The following TENM3 variants were observed in gnomAD, a reference collection of about 807,000 sequenced individuals.
TENM3 encodes teneurin transmembrane protein 3.
A neutral mutation model predicts 255.1 loss-of-function variants in TENM3; 63 were observed. The ratio of observed to expected loss-of-function variants is 0.25; its 90% confidence interval spans 0.20 to 0.30. The LOEUF is 0.30. Among genes scored for constraint, TENM3 ranks in the 10% least tolerant of loss-of-function variants. The probability of loss-of-function intolerance (pLI) is 1.00; values close to 1 mark genes in which losing one functional copy is unlikely to be tolerated. For synonymous variants in TENM3, 1,306 were observed against 1,322.3 expected (o/e 0.99, Z 0.27); for missense variants, 2,929 against 3,461.1 (o/e 0.85, Z 3.86).
the TENM3 span, among the ~76,000 whole-genome samples, chr4:181,739,832 A>G: frequency 6.6e-6 from 1 of 152,314 alleles, no homozygotes; most frequent in East Asian, 1.9e-4. Flanking sequence ...TAACATAGCC[A>G]TTGAAATTTA....
At chr4:181,666,255 A>C in the TENM3 span, among the ~76,000 whole-genome samples, 1 of 152,194 alleles carries the variant, frequency 6.6e-6, no homozygotes, top group South Asian at 2.1e-4. Context: ...CCATGTCTTT[A>C]TTTATTTCGG....
the TENM3 span, chr4:181,829,781 G>C: frequency 6.6e-6 from 1 of 152,460 alleles, no homozygotes; most frequent in African/African-American, 2.4e-5. Flanking sequence ...GCTGATGGGA[G>C]TGGGAGATGA....
the TENM3 span, among the ~76,000 whole-genome samples, chr4:181,851,852 C>A: frequency 6.6e-6 from 1 of 152,080 alleles, no homozygotes; most frequent in Admixed American, 6.6e-5. Flanking sequence ...TAAAATACAG[C>A]GACCACTGCG....
the TENM3 span, among the ~76,000 whole-genome samples, chr4:181,538,004 T>C: frequency 2.0e-5 from 3 of 152,210 alleles, no homozygotes; most frequent in Non-Finnish European, 2.9e-5. Context: ...AGAAGGCTTA[T>C]TGATATATTT....
At chr4:182,325,655 G>A (rs372076668) in intron 2 of TENM3, among the ~76,000 whole-genome samples, 1 of 152,002 alleles carries the variant, frequency 6.6e-6, no homozygotes, top group Admixed American at 6.6e-5. Context: ...AAAATAGTAA[G>A]TAGTGTAGAA....
At chr4:182,116,193 A>T in the TENM3 span, among the ~76,000 whole-genome samples, 1 of 151,786 alleles carries the variant, frequency 6.6e-6, no homozygotes, top group Non-Finnish European at 1.5e-5. Flanking sequence ...CAGCCTATTC[A>T]TGCCTTCCTC....
At chr4:182,771,511 A>AC (rs1233466562) in intron 22 of TENM3, among the ~76,000 whole-genome samples, 1 of 145,830 alleles carries the variant, frequency 6.9e-6, no homozygotes, top group Non-Finnish European at 1.5e-5. Flanking sequence ...GGGGGGGGGA[A>AC]ATAGTACAAT....
chr4:181,732,240 G>C, the TENM3 span, among the ~76,000 whole-genome samples: 1 of 152,176 alleles, frequency 6.6e-6, no homozygotes, highest in Non-Finnish European at 1.5e-5. Context: ...TGGTAGAAAA[G>C]AGGTACATCA....
At chr4:182,466,764 G>A (rs1421471189) in intron 3 of TENM3, among the ~76,000 whole-genome samples, 1 of 151,806 alleles carries the variant, frequency 6.6e-6, no homozygotes, top group Non-Finnish European at 1.5e-5. Flanking sequence ...GCTTCTTGGT[G>A]GCCATGAATT....
the TENM3 span, among the ~76,000 whole-genome samples, chr4:181,749,940 T>C: frequency 6.6e-6 from 1 of 152,106 alleles, no homozygotes; most frequent in Non-Finnish European, 1.5e-5. Flanking sequence ...CATTAATTAT[T>C]TATTTCTCTG....
chr4:182,443,356 T>C (rs1772654254), intron 3 of TENM3, among the ~76,000 whole-genome samples: 1 of 152,122 alleles, frequency 6.6e-6, no homozygotes, highest in Non-Finnish European at 1.5e-5. Flanking sequence ...GCTTGGCCAC[T>C]CCTGTCCTTC....
chr4:182,637,230 C>T (rs925654640), intron 5 of TENM3, among the ~76,000 whole-genome samples: 1 of 152,000 alleles, frequency 6.6e-6, no homozygotes, highest in African/African-American at 2.4e-5. Context: ...CTAGAATATA[C>T]AAATAAAGAT....
intron 1 of TENM3, 32 bp downstream of exon 1, chr4:182,243,508 G>T (rs1425801736): frequency 6.6e-6 from 1 of 152,360 alleles, no homozygotes; most frequent in Non-Finnish European, 1.5e-5. Context: ...AGAGAGGTGG[G>T]AATTGAGGGC....
intron 3 of TENM3, among the ~76,000 whole-genome samples, chr4:182,489,208 G>A (rs1458201553): frequency 6.6e-6 from 1 of 152,082 alleles, no homozygotes; most frequent in East Asian, 1.9e-4. Context: ...TTGAACGCAT[G>A]AAGCCTTATG....
chr4:182,789,667 T>C lies in TENM3; in HGVS notation c.5601+278T>C, dbSNP rs1007968186. Among the ~76,000 whole-genome samples the C allele has an allele frequency of 6.6e-5, 10 of 152,250 alleles. No homozygotes were observed. Among genetic ancestry groups the C allele is most frequent in the African/African-American group, 9.6e-5 (4 of 41,470 alleles). Reference sequence around the variant, plus strand: ...GTTGTCCACCTGCCAAGCTTACACATTGACAACATTCACAAATTAGACCTT... The same window carrying C: ...GTTGTCCACCTGCCAAGCTTACACACTGACAACATTCACAAATTAGACCTT... On this transcript the variant is annotated intron_variant, in intron 25 of 27. Transcript: ENST00000511685. The surrounding 1 kb of genome is among the most constrained non-coding windows in gnomAD (Gnocchi z 4.4).
chr4:182,235,505 C>T (rs1350413332), intron 1 of TENM3, among the ~76,000 whole-genome samples: 4 of 152,130 alleles, frequency 2.6e-5, no homozygotes, highest in East Asian at 3.9e-4. Flanking sequence ...GAACTGGCCT[C>T]GGTGTGCTCC....
intron 3 of TENM3, among the ~76,000 whole-genome samples, chr4:182,413,128 A>AGT (rs1770120297): frequency 6.6e-6 from 1 of 152,140 alleles, no homozygotes; most frequent in Admixed American, 6.5e-5. Flanking sequence ...ATGAAATGAT[A>AGT]GTCTACAAAG....
chr4:182,327,358 C>A (rs1484705648), intron 2 of TENM3, among the ~76,000 whole-genome samples: 1 of 152,128 alleles, frequency 6.6e-6, no homozygotes, highest in Non-Finnish European at 1.5e-5. Flanking sequence ...AGTCCTGTAT[C>A]CATTTACTCC....
At chr4:181,546,593 A>G in the TENM3 span, among the ~76,000 whole-genome samples, 1 of 141,784 alleles carries the variant, frequency 7.1e-6, no homozygotes, top group African/African-American at 2.6e-5. Flanking sequence ...GGACGCCTGT[A>G]GTCCCAGCTA....
Sources: allele counts gnomAD v4.1 joint callset (sites outside exome capture counted in the v4.1 genomes callset), GRCh38; gene constraint gnomAD v4.1.1; non-coding constraint Gnocchi (gnomAD v3.1); transcripts MANE v1.5; gene names NCBI Gene and HGNC (gene_info 2026-07-23, HGNC 2026-07-21).